Variants in RECQL4 observed in about 807,000 individuals in gnomAD.
The protein encoded by RECQL4 is ATP-dependent DNA helicase Q4.
In RECQL4, 158 loss-of-function variants were observed where a neutral mutation model predicts 128.6. The observed-to-expected ratio is 1.23, with a 90% CI of 1.08 to 1.40. RECQL4 has a LOEUF of 1.40. Among genes scored for constraint, RECQL4 ranks in the 40% most tolerant of loss-of-function variants. The pLI, the probability that RECQL4 is intolerant of heterozygous loss-of-function variation, is 0.00. For missense variants in RECQL4, 2,293 were observed against 1,649.8 expected (o/e 1.39, Z -6.75); for synonymous variants, 996 against 678.9 (o/e 1.47, Z -7.26).
Position 144,513,985 on chromosome 8 carries a change from T to G in RECQL4, c.2001A>C (p.Pro667=). 6.4e-7 allele frequency: 1 copy of G among 1,565,990 alleles called. No homozygotes were observed. Among genetic ancestry groups the G allele is most frequent in the Non-Finnish European group, 8.6e-7 (1 of 1,156,108 alleles). The change falls in exon 12 of 21, where the codon CCA becomes CCC. Residue 667 remains proline, a synonymous_variant. Coordinates refer to ENST00000617875, the MANE Select transcript of RECQL4 (RefSeq NM_004260.4). Reference sequence around the variant, plus strand: ...GGTGCAGGTTGGTGGGAACTGGGGCTGGCCCGTGGAGGTCAGGCTCTTCAG... The same window carrying G: ...GGTGCAGGTTGGTGGGAACTGGGGCGGGCCCGTGGAGGTCAGGCTCTTCAG... ...AVAEEPDLHG[P]APVPTNLHLS...
Position 144,516,253 on chromosome 8 carries a change from G to A in RECQL4, c.866C>T (p.Ala289Val), listed in dbSNP as rs1586823053. 1.9e-6 allele frequency: 3 copies of A among 1,612,536 alleles called. No individual in the cohort carries two copies. Among genetic ancestry groups the A allele is most frequent in the Non-Finnish European group, 1.7e-6 (2 of 1,179,672 alleles). Reference sequence around the variant, plus strand: ...GTCTTCCTCAACTGCTACAGCCCCAGCCCCCTCCGATGGGGGTCCAGCTTG... The same window carrying A: ...GTCTTCCTCAACTGCTACAGCCCCAACCCCCTCCGATGGGGGTCCAGCTTG... Reference protein sequence around the residue: ...SSQAGPPSEGAGAVAVEEDPP... With the variant: ...SSQAGPPSEGVGAVAVEEDPP... The change falls in exon 5 of 21, where the codon GCT (alanine) becomes GTT (valine). Residue 289 changes from alanine (A) to valine (V), a missense_variant. By Grantham distance (64) the Ala-to-Val change is moderately conservative. Coordinates refer to ENST00000617875, the MANE Select transcript of RECQL4 (RefSeq NM_004260.4).
In RECQL4 at chr8:144,515,432, A is replaced by G. The variant is rs766635144; in HGVS notation, c.1284T>C (p.Val428=). ...RPASEEDTDA[V]GPEPLVPSPQ... ...GTGAAGGAACCAGTGGCTCAGGCCC[A>G]ACAGCATCTGTGTCTTCCTCACTTG... The change falls in exon 7 of 21, where the codon GTT becomes GTC. Residue 428 remains valine, a synonymous_variant. Transcript: ENST00000617875. 56 of 1,612,686 alleles carry G rather than the reference A, an allele frequency of 3.5e-5. 1 individual carries two copies. Among genetic ancestry groups the G allele is most frequent in the Admixed American group, 8.3e-5 (5 of 60,000 alleles).
Position 144,516,471 on chromosome 8 carries a change from T to G in RECQL4, c.648A>C (p.Glu216Asp), listed in dbSNP as rs780500628. 6.2e-7 allele frequency: 1 copy of G among 1,608,516 alleles called. No homozygotes were observed. The highest frequency in any genetic ancestry group is 1.3e-5 in the African/African-American group (1 of 74,926). ...ACTCACCAGGGATCAGAAGTTGTGA[T>G]TCCTCTGAGCCTAGATCAGGCCTGC... ...KACRPDLGSE[E>D]SQLLIPGESA... The change falls in exon 5 of 21, where the codon GAA becomes GAC. Residue 216 changes from glutamate to aspartate, a missense_variant. Coordinates refer to ENST00000617875, the MANE Select transcript of RECQL4 (RefSeq NM_004260.4).
At position 144,512,971 on chromosome 8, in the gene RECQL4, G is replaced by T. The variant is rs762591075; in HGVS notation, c.2631C>A (p.Tyr877Ter). ...TAAGCTGCTCAGCCTCTTGAGGGGG[G>T]TACTTGGGCACAGGCCTCTCCCCAC... ...AVGGERPVPKYPPQEAEQLSH... is the reference protein window; with the variant it reads ...AVGGERPVPK Residue 877 changes from tyrosine (Y) to a stop codon, truncating the protein, a stop_gained, in exon 15 of 21, where the codon TAC (tyrosine) becomes TAA (stop). Coordinates refer to ENST00000617875, the MANE Select transcript of RECQL4 (RefSeq NM_004260.4). LOFTEE classifies it high-confidence loss of function. 2 of 1,571,008 alleles carry T rather than the reference G, an allele frequency of 1.3e-6. No homozygotes were observed. Among genetic ancestry groups the T allele is most frequent in the South Asian group, 1.2e-5 (1 of 85,996 alleles).
rs1814953388 is a variant in RECQL4 at position 144,516,248 on chromosome 8, C to T, written c.871G>A (p.Ala291Thr). 1.2e-6 allele frequency: 2 copies of T among 1,612,700 alleles called. No individual in the cohort carries two copies. The highest frequency in any genetic ancestry group is 1.7e-5 in the Admixed American group (1 of 59,986). ...GGAGGGTCTTCCTCAACTGCTACAG[C>T]CCCAGCCCCCTCCGATGGGGGTCCA... ...QAGPPSEGAG[A>T]VAVEEDPPGE... The change falls in exon 5 of 21, where the codon GCT becomes ACT. Residue 291 changes from alanine (A) to threonine (T), a missense_variant. Physicochemically the swap from Ala to Thr is moderately conservative, Grantham distance 58. Transcript: ENST00000617875.
rs1828034235 is a variant in RECQL4, at chr8:144,515,543, G to A, written c.1259-86C>T. 7 of 1,590,698 alleles carry A rather than the reference G, an allele frequency of 4.4e-6. No homozygotes were observed. In the Admixed American group the frequency reaches 5.0e-5, roughly 11 times the overall value. On this transcript the variant is annotated intron_variant, in intron 6 of 20. Transcript: ENST00000617875. Reference sequence around the variant, plus strand: ...ACAACCTCTCCTTCCCCCAAAGGGGGTTGGCAGCAGGCAGTGCCCTTCCTC... The same window carrying A: ...ACAACCTCTCCTTCCCCCAAAGGGGATTGGCAGCAGGCAGTGCCCTTCCTC...
rs778338631 is a variant in RECQL4, at chr8:144,513,554, C to T, written c.2200+17G>A. 1.3e-5 allele frequency: 21 copies of T among 1,610,878 alleles called. No individual in the cohort carries two copies. In the South Asian group the frequency reaches 2.2e-4, roughly 17 times the overall value. The stretch of plus-strand genomic sequence containing the variant: ...CAAGGTGGGTCCACGGGGACACCAG[C>T]TCTGTCCATGCCGCACCTCCAGACC... On this transcript the variant is annotated intron_variant, in intron 13 of 20. Transcript: ENST00000617875.
Position 144,513,923 on chromosome 8 carries a change from C to T in RECQL4, c.2058+5G>A, listed in dbSNP as rs1041802349. 38 of 1,501,560 alleles carry T rather than the reference C, an allele frequency of 2.5e-5. No individual in the cohort carries two copies. The highest frequency in any genetic ancestry group is 3.3e-5 in the Non-Finnish European group (37 of 1,121,376). The allele number at this position is 1,501,560 out of a possible 1,614,324, so 93.0% of individuals were successfully genotyped here. ...CTGCAGGGTCCCCAGAGCACACACA[C>T]CCACCTGGTCTGTGTCCCTGTCCAT... On this transcript the variant is annotated splice_donor_5th_base_variant and intron_variant, in intron 12 of 20. Coordinates refer to ENST00000617875, the MANE Select transcript of RECQL4 (RefSeq NM_004260.4).
In RECQL4 at chr8:144,512,993, C is replaced by A. The variant is rs1827539195; in HGVS notation, c.2609G>T (p.Gly870Val). The A allele has an allele frequency of 6.4e-7, 1 of 1,569,808 alleles. No individual in the cohort carries two copies. Among genetic ancestry groups the A allele is most frequent in the East Asian group, 2.4e-5 (1 of 42,260 alleles). ...PPSEQEGAVG[G>V]ERPVPKYPPQ... ...GGGGTACTTGGGCACAGGCCTCTCCCCACCCACGGCCCCTTCCTGCTCCGA... is the reference window on the plus strand; with the variant it reads ...GGGGTACTTGGGCACAGGCCTCTCCACACCCACGGCCCCTTCCTGCTCCGA... Residue 870 changes from glycine to valine, a missense_variant, in exon 15 of 21, where the codon GGG (glycine) becomes GTG (valine). Coordinates refer to ENST00000617875, the MANE Select transcript of RECQL4 (RefSeq NM_004260.4).
intron 3 of RECQL4, 80 bp downstream of exon 3, chr8:144,517,334 G>A (rs1433635102): frequency 4.8e-6 from 7 of 1,473,386 alleles, no homozygotes; most frequent in East Asian, 5.0e-5. Flanking sequence ...CCCCACGGCG[G>A]CCTGGCCGCG....
rs1354059568 is a variant in RECQL4, at chr8:144,516,677, C to A, written c.442G>T (p.Val148Phe). The change falls in exon 5 of 21, where the codon GTC (valine) becomes TTC (phenylalanine). Residue 148 changes from valine (V) to phenylalanine (F), a missense_variant. Coordinates refer to ENST00000617875, the MANE Select transcript of RECQL4 (RefSeq NM_004260.4). The part of the protein sequence containing the change: ...STPKPPGTGP[V>F]PSFAEKVSDE... ...CTGACTTTTTCTGCAAAGGAGGGGA[C>A]AGGCCCTGTACCTGGGGGCTTTGGG... is the stretch of plus-strand genomic sequence containing the variant. 1.9e-6 allele frequency: 3 copies of A among 1,590,204 alleles called. No homozygotes were observed. Among genetic ancestry groups the A allele is most frequent in the Non-Finnish European group, 1.7e-6 (2 of 1,168,280 alleles).
At position 144,516,379 on chromosome 8, in the gene RECQL4, A is replaced by C; in HGVS notation, c.740T>G (p.Ile247Ser). ...PEASAFQEVSIRVGSPQPSSS... is the reference protein window; with the variant it reads ...PEASAFQEVSSRVGSPQPSSS... ...GCTGGGCTGGGGGCTCCCCACACGG[A>C]TGCTGACTTCTTGGAAGGCTGAAGC... is the stretch of plus-strand genomic sequence containing the variant. Residue 247 changes from isoleucine (I) to serine (S), a missense_variant, in exon 5 of 21, where the codon ATC (isoleucine) becomes AGC (serine). By Grantham distance (142) the Ile-to-Ser change is moderately radical. Coordinates refer to ENST00000617875, the MANE Select transcript of RECQL4 (RefSeq NM_004260.4). 2 of 1,610,232 alleles carry C rather than the reference A, an allele frequency of 1.2e-6. No individual in the cohort carries two copies. The highest frequency in any genetic ancestry group is 1.7e-6 in the Non-Finnish European group (2 of 1,179,742).
Position 144,512,484 on chromosome 8 carries a change from T to C in RECQL4, c.2963A>G (p.Asp988Gly), listed in dbSNP as rs760325940. 2 of 1,612,414 alleles carry C rather than the reference T, an allele frequency of 1.2e-6. No individual in the cohort carries two copies. Among genetic ancestry groups the C allele is most frequent in the Admixed American group, 1.7e-5 (1 of 60,016 alleles). The change falls in exon 17 of 21, where the codon GAC (aspartate) becomes GGC (glycine). Residue 988 changes from aspartate (D) to glycine (G), a missense_variant. By Grantham distance (94) the Asp-to-Gly change is moderately conservative. Transcript: ENST00000617875. ...PGQGSSSVEF[D>G]MVKLVDSMGW... is the part of the protein sequence containing the mutation. ...CATGGAGTCCACCAGCTTGACCATG[T>C]CAAACTCCACGGAGCTGCTGCCTTG... is the stretch of plus-strand genomic sequence containing the variant.
intron 4 of RECQL4, 125 bp from the exon 5 acceptor site, chr8:144,516,889 A>G (rs1815161371): frequency 7.3e-7 from 1 of 1,366,632 alleles, no homozygotes; most frequent in Non-Finnish European, 9.9e-7. Flanking sequence ...CTGGACTAGA[A>G]AGGGAGTCAA....
rs1330035449 is a variant in RECQL4 at position 144,512,783 on chromosome 8, G to T, written c.2756-12C>A. On this transcript the variant is annotated splice_polypyrimidine_tract_variant and intron_variant, in intron 15 of 20. Transcript: ENST00000617875. ...CAAAGTCTCGATGGCTGGGGGCAGA[G>T]CAGGGCTCAGCGGACGCGGGGACAG... is the stretch of plus-strand genomic sequence containing the variant. 5 of 1,611,408 alleles carry T rather than the reference G, an allele frequency of 3.1e-6. No individual in the cohort carries two copies. In the South Asian group the frequency reaches 5.5e-5, roughly 18 times the overall value.
chr8:144,514,556 G>A lies in RECQL4; in HGVS notation c.1621-31C>T, dbSNP rs139702374. ...AATGCAGGAGCGACAGCCGTCATAC[G>A]CCAGCCCAGCCCTGGCCCTTCCCCA... On this transcript the variant is annotated intron_variant, in intron 9 of 20. Transcript: ENST00000617875. 169 of 1,594,504 alleles carry A rather than the reference G, an allele frequency of 1.1e-4. 1 individual carries two copies. In the East Asian group the frequency reaches 2.5e-3, roughly 24 times the overall value.
intron 4 of RECQL4, 26 bp from the exon 5 acceptor site, chr8:144,516,790 G>A (rs761488947): frequency 3.2e-5 from 48 of 1,513,838 alleles, no homozygotes; most frequent in East Asian, 4.5e-5. Context: ...CAGAACAGCA[G>A]GAGGAACTCA....
chr8:144,516,843 C>T (rs1564809488), intron 4 of RECQL4, 79 bp from the exon 5 acceptor site: 12 of 1,425,706 alleles, frequency 8.4e-6, no homozygotes, highest in Non-Finnish European at 6.6e-6. Context: ...CCTGAGTCCC[C>T]ACGCTCAATT....
In RECQL4 at chr8:144,517,060, C is replaced by A. The variant is rs1715996382; in HGVS notation, c.344G>T (p.Gly115Val). 1 of 1,610,624 alleles carries A rather than the reference C, an allele frequency of 6.2e-7. No homozygotes were observed. The highest frequency in any genetic ancestry group is 1.3e-5 in the African/African-American group (1 of 74,906). Residue 115 changes from glycine to valine, a missense_variant, in exon 4 of 21, where the codon GGC becomes GTC. Coordinates refer to ENST00000617875, the MANE Select transcript of RECQL4 (RefSeq NM_004260.4). ...YGQRLKANLK[G>V]TLQAGPALGR... is the part of the protein sequence containing the mutation. ...CTGCCCACTCCTCACCTGCAGGGTG[C>A]CTTTCAGATTGGCCTTGAGCCGCTG... is the stretch of plus-strand genomic sequence containing the variant.
Sources: allele counts gnomAD v4.1 joint callset, GRCh38; gene constraint gnomAD v4.1.1; transcripts MANE v1.5; gene names NCBI Gene and HGNC (gene_info 2026-07-23, HGNC 2026-07-21).